CCDC102B: variants seen among roughly 807,000 people sequenced by gnomAD.
CCDC102B encodes the protein coiled-coil domain-containing protein 102B.
A neutral mutation model predicts 57.4 loss-of-function variants in CCDC102B; 75 were observed. The ratio of observed to expected loss-of-function variants is 1.31; its 90% CI spans 1.08 to 1.58. CCDC102B has a LOEUF of 1.58. Among genes scored for constraint, CCDC102B ranks in the 40% most tolerant of loss-of-function variants. The pLI, the probability that CCDC102B is intolerant of heterozygous loss-of-function variation, is 0.00. For synonymous variants in CCDC102B, 206 were observed against 201.9 expected (o/e 1.02, Z -0.17); for missense variants, 636 against 582.6 (o/e 1.09, Z -0.94).
At chr18:68,737,751 T>G (rs2033210291) in intron 2 of CCDC102B, among the ~76,000 whole-genome samples, 1 of 152,148 alleles carries the variant, frequency 6.6e-6, no homozygotes, top group South Asian at 2.1e-4. Context: ...AGTTAATTGC[T>G]CCTGCTAATA....
At chr18:68,876,605 T>A (rs562734010) in intron 5 of CCDC102B, among the ~76,000 whole-genome samples, 2 of 152,314 alleles carry the variant, frequency 1.3e-5, no homozygotes, top group South Asian at 4.1e-4. Flanking sequence ...ACTTTACATG[T>A]TCTAGCAAAG....
chr18:68,747,430 G>A (rs1244665576), intron 2 of CCDC102B, among the ~76,000 whole-genome samples: 1 of 151,986 alleles, frequency 6.6e-6, no homozygotes, highest in African/African-American at 2.4e-5. Flanking sequence ...ATATAGTATT[G>A]TTAGCTGCAG....
At chr18:68,990,740 C>T (rs2050842978) in intron 6 of CCDC102B, among the ~76,000 whole-genome samples, 1 of 151,974 alleles carries the variant, frequency 6.6e-6, no homozygotes, top group African/African-American at 2.4e-5. Flanking sequence ...TAGATTTTTC[C>T]TGTATTTCTT....
At position 68,836,818 on chromosome 18, in the gene CCDC102B, C is replaced by G; in HGVS notation, c.55C>G (p.Gln19Glu). ...LIEETQIFQM[Q>E]QSSIKSRGDM... ...TGAGGAAACACAGATCTTCCAGATG[C>G]AACAATCATCAATTAAGTCACGCGG... Residue 19 changes from glutamine to glutamate, a missense_variant, in exon 2 of 8, where the codon CAA (glutamine) becomes GAA (glutamate). Physicochemically the swap from Gln to Glu is conservative, Grantham distance 29. Coordinates refer to ENST00000360242, the MANE Select transcript of CCDC102B (RefSeq NM_024781.3). 6.2e-7 allele frequency: 1 copy of G among 1,613,762 alleles called. No individual in the cohort carries two copies. The highest frequency in any genetic ancestry group is 8.5e-7 in the Non-Finnish European group (1 of 1,179,820).
At chr18:69,052,802 T>A (rs2052741928) in intron 7 of CCDC102B, among the ~76,000 whole-genome samples, 1 of 151,878 alleles carries the variant, frequency 6.6e-6, no homozygotes, top group Non-Finnish European at 1.5e-5. Context: ...TTTTTAAAAA[T>A]GCATCTGTAC....
chr18:68,981,732 C>T (rs1449292254), intron 6 of CCDC102B, among the ~76,000 whole-genome samples: 1 of 151,788 alleles, frequency 6.6e-6, no homozygotes, highest in Non-Finnish European at 1.5e-5. Context: ...AGAATGAGAA[C>T]TTGAGAGTTA....
chr18:68,856,319 G>C (rs892677302), intron 4 of CCDC102B, among the ~76,000 whole-genome samples: 1 of 151,962 alleles, frequency 6.6e-6, no homozygotes, highest in Admixed American at 6.6e-5. Context: ...GACACACGGT[G>C]TTGCTCTGTT....
intron 4 of CCDC102B, among the ~76,000 whole-genome samples, chr18:68,850,372 T>A (rs1052510338): frequency 6.6e-6 from 1 of 152,066 alleles, no homozygotes; most frequent in African/African-American, 2.4e-5. Context: ...AGGGTTTTTT[T>A]CTCCCCGCCA....
Position 69,010,997 on chromosome 18 carries a change from G to A in CCDC102B, c.1327G>A (p.Glu443Lys). Residue 443 changes from glutamate (E) to lysine (K), a missense_variant, in exon 7 of 8, where the codon GAA becomes AAA. Physicochemically the swap from Glu to Lys is moderately conservative, Grantham distance 56 (BLOSUM62 1). Transcript: ENST00000360242. ...CAGACAATACCAGGCAAATATTGCA[G>A]AACTGACTCATGCAAACAACCGAGT... ...LNRQYQANIA[E>K]LTHANNRVDQ... The A allele has an allele frequency of 6.2e-7, 1 of 1,613,734 alleles. No individual in the cohort carries two copies. Among genetic ancestry groups the A allele is most frequent in the Non-Finnish European group, 8.5e-7 (1 of 1,179,786 alleles).
intron 6 of CCDC102B, among the ~76,000 whole-genome samples, chr18:68,947,421 C>A (rs1452154545): frequency 2.0e-5 from 3 of 151,932 alleles, no homozygotes; most frequent in Non-Finnish European, 4.4e-5. Context: ...TTATAGTTAC[C>A]TTAGGAAGTT....
At chr18:69,036,462 A>G (rs2052294787) in intron 7 of CCDC102B, among the ~76,000 whole-genome samples, 1 of 152,116 alleles carries the variant, frequency 6.6e-6, no homozygotes, top group African/African-American at 2.4e-5. Flanking sequence ...CTGTACACAA[A>G]GTAAATATTG....
chr18:68,827,796 T>C (rs1173279387), intron 1 of CCDC102B, among the ~76,000 whole-genome samples: 1 of 151,866 alleles, frequency 6.6e-6, no homozygotes, highest in African/African-American at 2.4e-5. Context: ...ACTCACTTCC[T>C]CAGATCATCA....
chr18:68,984,663 T>G (rs2050679525), intron 6 of CCDC102B, among the ~76,000 whole-genome samples: 1 of 152,162 alleles, frequency 6.6e-6, no homozygotes, highest in Non-Finnish European at 1.5e-5. Context: ...CTGTCACTTA[T>G]TATTCCAATT....
At chr18:68,797,337 ACC>A (rs1410525373), upstream of CCDC102B, among the ~76,000 whole-genome samples, 1 of 152,094 alleles carries the variant, frequency 6.6e-6, no homozygotes, top group Non-Finnish European at 1.5e-5. Context: ...CTATCCTGTT[ACC>A]TTTTGACTTT....
intron 4 of CCDC102B, among the ~76,000 whole-genome samples, chr18:68,865,005 G>A (rs1448144952): frequency 6.6e-6 from 1 of 151,954 alleles, no homozygotes; most frequent in Admixed American, 6.6e-5. Context: ...CCTCTCAGTA[G>A]AGGGTGTGTT....
chr18:68,842,118 T>C (rs1033825411), intron 3 of CCDC102B, among the ~76,000 whole-genome samples: 1 of 152,008 alleles, frequency 6.6e-6, no homozygotes, highest in Non-Finnish European at 1.5e-5. Flanking sequence ...CTTAATGAGA[T>C]TTAAAATCCA....
At chr18:68,738,491 T>C (rs1031874641) in intron 2 of CCDC102B, among the ~76,000 whole-genome samples, 4 of 152,148 alleles carry the variant, frequency 2.6e-5, no homozygotes, top group Non-Finnish European at 4.4e-5. Flanking sequence ...ATAGACCGTC[T>C]GAGAGGTGCT....
At chr18:68,911,519 G>A (rs557448030) in intron 6 of CCDC102B, among the ~76,000 whole-genome samples, 11 of 151,580 alleles carry the variant, frequency 7.3e-5, no homozygotes, top group South Asian at 2.1e-4. Flanking sequence ...TTGGGAGGCC[G>A]AGGCGGGCGG....
chr18:68,745,459 A>ATT (rs5825871), intron 2 of CCDC102B, among the ~76,000 whole-genome samples: 64,247 of 151,832 alleles, frequency 0.42, 14,163 homozygotes, highest in East Asian at 0.56. Flanking sequence ...TAAAAAATTA[A>ATT]TTTTTTTAAT....
Sources: allele counts gnomAD v4.1 joint callset (sites outside exome capture counted in the v4.1 genomes callset), GRCh38; gene constraint gnomAD v4.1.1; transcripts MANE v1.5; gene names NCBI Gene and HGNC (gene_info 2026-07-23, HGNC 2026-07-21).